Variants in ZFP82 observed in about 807,000 individuals in gnomAD.
The protein encoded by ZFP82 is ZFP82 zinc finger protein.
A neutral mutation model predicts 54.0 loss-of-function variants in ZFP82; 30 were observed. That is an observed-to-expected ratio of 0.56 (90% CI 0.42 to 0.75). The LOEUF is 0.75. Among genes scored for constraint, ZFP82 ranks in the 30% least tolerant of loss-of-function variants. ZFP82 has a pLI of 0.00. For synonymous variants in ZFP82, 194 were observed against 209.5 expected (o/e 0.93, Z 0.64); for missense variants, 500 against 636.8 (o/e 0.79, Z 2.31).
intron 4 of ZFP82, among the ~76,000 whole-genome samples, chr19:36,403,316 C>G (rs561542853): frequency 9.4e-6 from 1 of 106,118 alleles, no homozygotes; most frequent in African/African-American, 4.1e-5. Context: ...GAGTAAGACT[C>G]CATCTCAAAA....
At chr19:36,405,492 CT>C (rs2032465093) in intron 4 of ZFP82, 87 bp downstream of exon 4, 1 of 965,346 alleles carries the variant, frequency 1.0e-6, no homozygotes. Flanking sequence ...TTCAAGAGGG[CT>C]TTCTAAACAA....
chr19:36,386,381 G>A (rs186735893), downstream of ZFP82, among the ~76,000 whole-genome samples: 63 of 152,346 alleles, frequency 4.1e-4, no homozygotes, highest in African/African-American at 1.4e-3. Context: ...GGATGCCTTG[G>A]GTAGCCTGGG....
intron 4 of ZFP82, chr19:36,395,912 T>C (rs35778194): frequency 0.052 from 7,892 of 152,400 alleles, 243 homozygotes; most frequent in Non-Finnish European, 0.066. Context: ...TGTTTGTTTT[T>C]TGAGACAGAG....
downstream of ZFP82, among the ~76,000 whole-genome samples, chr19:36,384,843 G>T (rs536048291): frequency 1.4e-3 from 214 of 152,264 alleles, no homozygotes; most frequent in African/African-American, 5.1e-3. Flanking sequence ...AATCTTGGGT[G>T]GACAAGATGT....
intron 4 of ZFP82, 56 bp from the exon 5 acceptor site, chr19:36,394,166 C>T (rs1352080383): frequency 1.4e-6 from 2 of 1,399,346 alleles, no homozygotes; most frequent in Non-Finnish European, 2.0e-6. Context: ...AAAGAAGCAA[C>T]ATTTCTAATG....
intron 1 of ZFP82, among the ~76,000 whole-genome samples, chr19:36,411,973 T>A (rs2032588660): frequency 6.6e-6 from 1 of 152,048 alleles, no homozygotes; most frequent in Admixed American, 6.6e-5. Context: ...ACTGGAAATA[T>A]GGAAATATGT....
intron 4 of ZFP82, among the ~76,000 whole-genome samples, chr19:36,397,791 T>C (rs1003046593): frequency 4.6e-5 from 7 of 151,928 alleles, no homozygotes; most frequent in African/African-American, 1.7e-4. Flanking sequence ...TTTCACCATC[T>C]TGGCCAGGCT....
chr19:36,399,394 T>C (rs1359062938), intron 4 of ZFP82, among the ~76,000 whole-genome samples: 1 of 152,112 alleles, frequency 6.6e-6, no homozygotes, highest in African/African-American at 2.4e-5. Context: ...AACTGCTGTG[T>C]TCAAAGTGGT....
chr19:36,415,186 T>C (rs2032648910), intron 1 of ZFP82, among the ~76,000 whole-genome samples: 1 of 152,204 alleles, frequency 6.6e-6, no homozygotes, highest in South Asian at 2.1e-4. Context: ...ATTGTTGTGA[T>C]TCTATTTTGG....
At chr19:36,386,471 C>A (rs1184326239), downstream of ZFP82, among the ~76,000 whole-genome samples, 1 of 152,202 alleles carries the variant, frequency 6.6e-6, no homozygotes, top group Admixed American at 6.5e-5. Flanking sequence ...AGAGGCCATC[C>A]CCAAGACCCC....
rs1046297640 is a variant in ZFP82, at chr19:36,407,833, A to T, written c.136+54T>A. ...AGATACTCTTGAAATTTCCACAGGA[A>T]AAAGCTGATTTACAGAGAACACAGT... is the stretch of plus-strand genomic sequence containing the variant. On this transcript the variant is annotated intron_variant, in intron 3 of 4. Coordinates refer to ENST00000392161, the MANE Select transcript of ZFP82 (RefSeq NM_133466.4). 32 of 1,562,892 alleles carry T rather than the reference A, an allele frequency of 2.0e-5. No individual in the cohort carries two copies. In the African/African-American group the frequency reaches 3.4e-4, roughly 17 times the overall value.
At position 36,390,298 on chromosome 19, in the gene ZFP82, A is replaced by G. The variant is rs2032172588; in HGVS notation, c.*2443T>C. The G allele has an allele frequency of 6.8e-6, 1 of 147,136 alleles. No individual in the cohort carries two copies. Among genetic ancestry groups the G allele is most frequent in the Admixed American group, 6.8e-5 (1 of 14,756 alleles). The allele number at this position is 147,136 out of a possible 1,614,324, so 9.1% of individuals were successfully genotyped here. ...ACTGTATTTGAAGGATACGTTTCTT[A>G]GTCTCCTTTAAAGTGTAGGATTCCA... On this transcript the variant is annotated 3_prime_UTR_variant, in exon 5 of 5. Coordinates refer to ENST00000392161, the MANE Select transcript of ZFP82 (RefSeq NM_133466.4).
chr19:36,392,963 A>G lies in ZFP82; in HGVS notation c.1377T>C (p.Phe459=), dbSNP rs1352425877. ...GTAGAGTAAGTTTTTGGCGCAATCT[A>G]AAGGCCTTGCCACATTCCTTACATT... is the stretch of plus-strand genomic sequence containing the variant. ...PYKCKECGKA[F]RLRQKLTLHQ... Residue 459 remains phenylalanine, a synonymous_variant, in exon 5 of 5, where the codon TTT becomes TTC. Coordinates refer to ENST00000392161, the MANE Select transcript of ZFP82 (RefSeq NM_133466.4). 6.2e-7 allele frequency: 1 copy of G among 1,614,090 alleles called. No individual in the cohort carries two copies. The highest frequency in any genetic ancestry group is 1.1e-5 in the South Asian group (1 of 91,064).
At chr19:36,388,143 G>C (rs776755085), downstream of ZFP82, among the ~76,000 whole-genome samples, 2 of 152,150 alleles carry the variant, frequency 1.3e-5, no homozygotes, top group African/African-American at 2.4e-5. Context: ...ATTTAAATGA[G>C]AACAGGCCAG....
intron 1 of ZFP82, among the ~76,000 whole-genome samples, chr19:36,412,870 T>C (rs1471856544): frequency 1.3e-5 from 2 of 152,170 alleles, no homozygotes; most frequent in Non-Finnish European, 2.9e-5. Context: ...TTCAATGACT[T>C]TACCTCACCT....
At chr19:36,408,080 A>C in intron 2 of ZFP82, 67 bp from the exon 3 acceptor site, 5 of 1,556,210 alleles carry the variant, frequency 3.2e-6, no homozygotes, top group Non-Finnish European at 4.4e-6. Context: ...GAAGGAGAAA[A>C]GAAGGAAGAG....
intron 1 of ZFP82, among the ~76,000 whole-genome samples, chr19:36,414,914 C>T (rs533689102): frequency 1.3e-5 from 2 of 151,446 alleles, no homozygotes; most frequent in Admixed American, 6.6e-5. Flanking sequence ...CTCCACCTTC[C>T]GGGTTCAAGT....
intron 4 of ZFP82, 48 bp from the exon 5 acceptor site, chr19:36,394,158 AG>A: frequency 6.7e-7 from 1 of 1,490,780 alleles, no homozygotes; most frequent in Non-Finnish European, 9.1e-7. Flanking sequence ...TTTTACTAAA[AG>A]AAGCAACATT....
At position 36,393,633 on chromosome 19, in the gene ZFP82, A is replaced by G. The variant is rs747724128; in HGVS notation, c.707T>C (p.Ile236Thr). The G allele has an allele frequency of 1.9e-6, 3 of 1,613,592 alleles. No individual in the cohort carries two copies. The highest frequency in any genetic ancestry group is 2.5e-6 in the Non-Finnish European group (3 of 1,179,948). The stretch of plus-strand genomic sequence containing the variant: ...ATGTACTCTAAGATCTGCACCACAT[A>G]TGAAAGCTTCCCCACATTCCTTACA... The part of the protein sequence containing the change: ...YECKECGEAF[I>T]CGADLRVHQK... Residue 236 changes from isoleucine to threonine, a missense_variant, in exon 5 of 5, where the codon ATA becomes ACA. Coordinates refer to ENST00000392161, the MANE Select transcript of ZFP82 (RefSeq NM_133466.4).
Sources: allele counts gnomAD v4.1 joint callset (sites outside exome capture counted in the v4.1 genomes callset), GRCh38; gene constraint gnomAD v4.1.1; transcripts MANE v1.5; gene names NCBI Gene and HGNC (gene_info 2026-07-23, HGNC 2026-07-21).